The following WAC variants were observed in gnomAD, a reference collection of about 807,000 sequenced individuals.
WAC encodes the protein WW domain containing adaptor with coiled-coil.
Under a neutral mutation model 79.6 loss-of-function variants are expected in WAC, and 11 were observed. The ratio of observed to expected loss-of-function variants is 0.14; its 90% confidence interval spans 0.09 to 0.23. WAC has a LOEUF of 0.23. WAC is among the 10% of genes least tolerant of loss of function. The pLI is 1.00. For synonymous variants in WAC, 304 were observed against 276.9 expected, an observed-to-expected ratio of 1.10 and a Z score of -0.97; for missense variants, 728 against 773.5, an observed-to-expected ratio of 0.94 and a Z score of 0.70.
intron 10 of WAC, among the ~76,000 whole-genome samples, chr10:28,613,356 A>G (rs1209646834): frequency 1.3e-5 from 2 of 152,100 alleles, no homozygotes; most frequent in African/African-American, 4.8e-5. Context: ...AGAGAGTGAA[A>G]CTCTGAAAAA....
At chr10:28,542,720 G>C (rs1589128713) in intron 3 of WAC, among the ~76,000 whole-genome samples, 1 of 152,212 alleles carries the variant, frequency 6.6e-6, no homozygotes, top group East Asian at 1.9e-4. Flanking sequence ...TTAGATGTTT[G>C]AGCTGTGTCT....
intron 3 of WAC, among the ~76,000 whole-genome samples, chr10:28,581,640 C>T (rs995055024): frequency 1.3e-4 from 20 of 152,014 alleles, no homozygotes; most frequent in South Asian, 4.1e-4. Flanking sequence ...ACTGCAACCT[C>T]GCCTCCCAGG....
chr10:28,599,847 A>C (rs896511720), intron 7 of WAC, among the ~76,000 whole-genome samples: 6 of 152,162 alleles, frequency 3.9e-5, no homozygotes, highest in African/African-American at 1.4e-4. Context: ...GTTGTTTGTT[A>C]GGGTAACATT....
rs1422246933 is a variant in WAC, at chr10:28,621,053, C to T, written c.*1447C>T. On this transcript the variant is annotated 3_prime_UTR_variant, in exon 14 of 14. Coordinates refer to ENST00000354911, the MANE Select transcript of WAC (RefSeq NM_016628.5). ...TATTAGTCACATAGCCTTAGCTTCA[C>T]ACTGCCAGTAATGTATCAAATCACA... The T allele has an allele frequency of 2.0e-5, 3 of 152,002 alleles. No individual in the cohort carries two copies. Among genetic ancestry groups the T allele is most frequent in the Non-Finnish European group, 2.9e-5 (2 of 67,992 alleles). 9.4% of individuals were successfully genotyped at this position (152,002 alleles called of 1,614,324 possible).
intron 2 of WAC, 130 bp from the exon 3 acceptor site, chr10:28,535,432 A>G: frequency 8.4e-7 from 1 of 1,185,388 alleles, no homozygotes. Flanking sequence ...GTAAAGCAGA[A>G]TTGAAAGTGG....
intron 3 of WAC, among the ~76,000 whole-genome samples, chr10:28,539,849 G>A (rs977591155): frequency 4.6e-5 from 7 of 152,048 alleles, no homozygotes; most frequent in African/African-American, 1.7e-4. Flanking sequence ...GTGAGTCACC[G>A]CGCCTGGCCC....
chr10:28,610,395 G>A (rs1176614315), intron 8 of WAC, among the ~76,000 whole-genome samples: 4 of 152,070 alleles, frequency 2.6e-5, no homozygotes, highest in Admixed American at 6.5e-5. Context: ...TGACATAATT[G>A]GAAGTTCCTG....
intron 7 of WAC, among the ~76,000 whole-genome samples, chr10:28,601,667 A>G (rs565052985): frequency 6.6e-6 from 1 of 152,218 alleles, no homozygotes; most frequent in Admixed American, 6.5e-5. Context: ...GTTCATTAGC[A>G]GATGAAAGGA....
chr10:28,543,977 C>T (rs1381536399), intron 3 of WAC, among the ~76,000 whole-genome samples: 2 of 152,158 alleles, frequency 1.3e-5, no homozygotes, highest in Non-Finnish European at 2.9e-5. Context: ...GCAAGCTCGC[C>T]TCTGCAGGTC....
chr10:28,539,317 CT>C (rs763518196), intron 3 of WAC, among the ~76,000 whole-genome samples: 7 of 152,114 alleles, frequency 4.6e-5, no homozygotes, highest in Non-Finnish European at 1.0e-4. Context: ...TCCCAAAAAC[CT>C]TGCTAGTTAA....
intron 3 of WAC, among the ~76,000 whole-genome samples, chr10:28,573,577 G>A (rs1293038784): frequency 1.3e-5 from 2 of 152,096 alleles, no homozygotes; most frequent in African/African-American, 2.4e-5. Context: ...ATTCACAGTC[G>A]TGCACCACTT....
chr10:28,537,236 G>A (rs966239726), intron 3 of WAC, among the ~76,000 whole-genome samples: 1 of 152,192 alleles, frequency 6.6e-6, no homozygotes, highest in African/African-American at 2.4e-5. Flanking sequence ...AGTGTTACAA[G>A]TTATTGGGTT....
intron 3 of WAC, among the ~76,000 whole-genome samples, chr10:28,574,382 G>A (rs963093582): frequency 2.5e-4 from 37 of 149,502 alleles, no homozygotes; most frequent in Non-Finnish European, 2.7e-4. Context: ...TCCTGACCTC[G>A]GGCAGTCCGC....
rs78152578 is a variant in WAC, at chr10:28,534,409, G to A, written c.78+375G>A. 4.2e-5 allele frequency: 9 copies of A among 211,956 alleles called. No homozygotes were observed. The East Asian group carries it at 9.2e-4, about 22-fold the overall frequency. 13.1% of individuals were successfully genotyped at this position (211,956 alleles called of 1,614,324 possible). A position where few individuals can be genotyped will look rare whatever the true frequency, so the allele number is the denominator to read the frequency against. ...GGGGAACTGAAAAGTTAATGTAAAG[G>A]TATTAAAATTAAGTGAAGAACTTGG... On this transcript the variant is annotated intron_variant, in intron 2 of 13. Transcript: ENST00000354911.
intron 3 of WAC, among the ~76,000 whole-genome samples, chr10:28,536,971 A>T (rs1295586435): frequency 6.6e-6 from 1 of 152,226 alleles, no homozygotes; most frequent in African/African-American, 2.4e-5. Flanking sequence ...CTTTAAAAAA[A>T]ATACCTTGCA....
chr10:28,542,353 A>T (rs988318534), intron 3 of WAC, among the ~76,000 whole-genome samples: 1 of 152,310 alleles, frequency 6.6e-6, no homozygotes. Context: ...TGACATGGGC[A>T]TTTCTGAAAG....
chr10:28,592,720 C>T (rs931929325), intron 6 of WAC, among the ~76,000 whole-genome samples: 1 of 151,992 alleles, frequency 6.6e-6, no homozygotes, highest in Non-Finnish European at 1.5e-5. Flanking sequence ...AGGCCATATT[C>T]GTAAATAGGT....
chr10:28,604,399 T>A (rs1410379833), intron 7 of WAC, among the ~76,000 whole-genome samples: 2 of 151,976 alleles, frequency 1.3e-5, no homozygotes, highest in Non-Finnish European at 2.9e-5. Flanking sequence ...TTGATGCCAT[T>A]TTGGTGCCGA....
chr10:28,559,992 A>G (rs539340913), intron 3 of WAC, among the ~76,000 whole-genome samples: 1 of 152,190 alleles, frequency 6.6e-6, no homozygotes. Context: ...CAATAGATGT[A>G]ATGTGATTCT....
Sources: gnomAD v4.1 joint callset for allele counts (sites outside exome capture counted in the v4.1 genomes callset) on GRCh38, gnomAD v4.1.1 for gene constraint, MANE v1.5 for transcripts, NCBI Gene and HGNC (gene_info 2026-07-23, HGNC 2026-07-21) for gene names.